The following ASAP2 variants were observed in gnomAD, a reference collection of about 807,000 sequenced individuals.
ASAP2 encodes ArfGAP with SH3 domain, ankyrin repeat and PH domain 2.
ASAP2 carries 45 observed loss-of-function variants against 131.4 expected under a neutral mutation model. The observed-to-expected ratio is 0.34, with a 90% CI of 0.27 to 0.44. The LOEUF (loss-of-function observed/expected upper bound fraction) is 0.44, where lower values mean the gene tolerates loss of function less well. Ranked by LOEUF, ASAP2 falls within the 20% of genes least tolerant of loss-of-function variation. The probability of loss-of-function intolerance (pLI) is 1.00; values close to 1 mark genes in which losing one functional copy is unlikely to be tolerated. For synonymous variants in ASAP2, 510 were observed against 503.0 expected, an observed-to-expected ratio of 1.01 and a Z score of -0.19; for missense variants, 1,011 against 1,297.0, an observed-to-expected ratio of 0.78 and a Z score of 3.39.
At chr2:9,266,138 C>T (rs1665927035) in intron 1 of ASAP2, among the ~76,000 whole-genome samples, 1 of 135,820 alleles carries the variant, frequency 7.4e-6, no homozygotes, top group Admixed American at 7.5e-5. Context: ...AAAACGATTG[C>T]CTTTTTATCT....
chr2:9,263,302 C>T (rs1428236522), intron 1 of ASAP2, among the ~76,000 whole-genome samples: 1 of 152,204 alleles, frequency 6.6e-6, no homozygotes, highest in Non-Finnish European at 1.5e-5. Context: ...TCAGGGAACC[C>T]CAGGCCAGGC....
intron 12 of ASAP2, among the ~76,000 whole-genome samples, chr2:9,351,350 C>T (rs961788034): frequency 3.3e-5 from 5 of 152,318 alleles, no homozygotes; most frequent in African/African-American, 9.6e-5. Flanking sequence ...TTTTCTTCCT[C>T]ACCACAGGAA....
In ASAP2 at chr2:9,312,389, C is replaced by T. The variant is rs375047975; in HGVS notation, c.346-6135C>T. 1.6e-3 allele frequency among the ~76,000 whole-genome samples: 237 copies of T among 152,292 alleles called. 3 individuals carry two copies. Among genetic ancestry groups the T allele is most frequent in the Middle Eastern group, 0.014 (4 of 294 alleles). On this transcript the variant is annotated intron_variant, in intron 3 of 27. Coordinates refer to ENST00000281419, the MANE Select transcript of ASAP2 (RefSeq NM_003887.3). The stretch of plus-strand genomic sequence containing the variant: ...CAGCTGCTGCCTTCTGCTGACTCCT[C>T]GACTGCCACGGCTGGCAGGGCCCAC...
chr2:9,249,363 T>C (rs1664554945), intron 1 of ASAP2, among the ~76,000 whole-genome samples: 1 of 152,192 alleles, frequency 6.6e-6, no homozygotes, highest in Non-Finnish European at 1.5e-5. Context: ...AGCAATGCCT[T>C]CCCCATATAT....
At chr2:9,395,198 C>T (rs570304738) in intron 24 of ASAP2, among the ~76,000 whole-genome samples, 50 of 152,248 alleles carry the variant, frequency 3.3e-4, no homozygotes, top group Admixed American at 7.2e-4. Context: ...TGGGGCCAGG[C>T]GCCATGGCTC....
intron 25 of ASAP2, 143 bp from the exon 26 acceptor site, chr2:9,400,599 A>C (rs778681617): frequency 2.9e-5 from 21 of 721,876 alleles, no homozygotes; most frequent in Non-Finnish European, 5.0e-5. Context: ...TCTGCATCCA[A>C]GTCAGAAGGT....
At chr2:9,300,654 G>A (rs560736117) in intron 3 of ASAP2, among the ~76,000 whole-genome samples, 4 of 152,318 alleles carry the variant, frequency 2.6e-5, no homozygotes, top group Non-Finnish European at 5.9e-5. Context: ...ATTCCTCTTG[G>A]CAGCTGTGCA....
chr2:9,291,727 G>A (rs1288809110), intron 2 of ASAP2, among the ~76,000 whole-genome samples: 1 of 152,184 alleles, frequency 6.6e-6, no homozygotes, highest in East Asian at 1.9e-4. Flanking sequence ...CAAGTGGCCT[G>A]TGGTCTGGCC....
chr2:9,323,610 T>A (rs941254515), intron 6 of ASAP2, among the ~76,000 whole-genome samples: 5 of 151,832 alleles, frequency 3.3e-5, no homozygotes, highest in Middle Eastern at 3.4e-3. Context: ...TGTGGGAGGG[T>A]GAGAAGTCAG....
chr2:9,374,933 G>A lies in ASAP2; in HGVS notation c.1735G>A (p.Ala579Thr). 1 of 1,605,490 alleles carries A rather than the reference G, an allele frequency of 6.2e-7. No individual in the cohort carries two copies. Among genetic ancestry groups the A allele is most frequent in the Non-Finnish European group, 8.5e-7 (1 of 1,177,088 alleles). ...GGATCTTACGGAAAAAATCCCACTG[G>A]CCAACGGACATGTAAGAGTGTGGGT... Reference protein sequence around the residue: ...GVDLTEKIPLANGHEPDETAL... With the variant: ...GVDLTEKIPLTNGHEPDETAL... The change falls in exon 17 of 28, where the codon GCC (alanine) becomes ACC (threonine). Residue 579 changes from alanine (A) to threonine (T), a missense_variant. This residue lies in a region of ASAP2 where 652 missense variants were observed against 698.9 expected (regional missense o/e 0.93). Coordinates refer to ENST00000281419, the MANE Select transcript of ASAP2 (RefSeq NM_003887.3).
chr2:9,399,158 G>C (rs911269831), intron 24 of ASAP2: 2 of 152,310 alleles, frequency 1.3e-5, no homozygotes, highest in Non-Finnish European at 2.9e-5. Flanking sequence ...GGCCAGACAG[G>C]GTTCATTCCG....
chr2:9,394,233 C>A lies in ASAP2; in HGVS notation c.2684+586C>A, dbSNP rs543506882. On this transcript the variant is annotated intron_variant, in intron 24 of 27. Coordinates refer to ENST00000281419, the MANE Select transcript of ASAP2 (RefSeq NM_003887.3). ...AGGCTGGAGTGCAGTGGCGTGATCT[C>A]GGCTCACTGCAAGCTCTGCCTCCAG... 1.7e-3 allele frequency among the ~76,000 whole-genome samples: 238 copies of A among 139,526 alleles called. 1 individual carries two copies. Among genetic ancestry groups the A allele is most frequent in the South Asian group, 3.3e-3 (14 of 4,262 alleles). The allele number at this position is 139,526 out of a possible 152,430, so 91.5% of individuals were successfully genotyped here.
chr2:9,390,329 G>C (rs770749931), intron 22 of ASAP2, among the ~76,000 whole-genome samples: 1 of 152,206 alleles, frequency 6.6e-6, no homozygotes, highest in Non-Finnish European at 1.5e-5. Context: ...GGAGGAGCTC[G>C]AAGGCTTCCT....
chr2:9,367,784 A>G (rs1673597056), intron 15 of ASAP2, among the ~76,000 whole-genome samples: 1 of 152,224 alleles, frequency 6.6e-6, no homozygotes, highest in South Asian at 2.1e-4. Context: ...GTGTTAATTT[A>G]ATGTTTAACA....
chr2:9,301,820 C>CTTTTTTTTTTTTTTTTTT (rs1177064910), intron 3 of ASAP2, among the ~76,000 whole-genome samples: 27 of 115,398 alleles, frequency 2.3e-4, no homozygotes, highest in African/African-American at 9.5e-4. Context: ...TATCCATCAT[C>CTTTTTTTTTTTTTTTTTT]TTTTTTTTTT....
At chr2:9,321,347 G>A (rs1246941307) in intron 5 of ASAP2, among the ~76,000 whole-genome samples, 1 of 152,054 alleles carries the variant, frequency 6.6e-6, no homozygotes, top group Non-Finnish European at 1.5e-5. Flanking sequence ...GCTTGGCCCC[G>A]AGTTCTGGAG....
intron 1 of ASAP2, among the ~76,000 whole-genome samples, chr2:9,272,274 A>G (rs888214667): frequency 1.3e-5 from 2 of 152,130 alleles, no homozygotes; most frequent in Non-Finnish European, 2.9e-5. Context: ...AGATTATATC[A>G]TTGTAGTTTT....
intron 3 of ASAP2, among the ~76,000 whole-genome samples, chr2:9,307,919 G>A (rs1359617952): frequency 6.6e-6 from 1 of 152,200 alleles, no homozygotes; most frequent in Non-Finnish European, 1.5e-5. Flanking sequence ...AGAGTGCATA[G>A]ACGGGAGTGT....
intron 15 of ASAP2, among the ~76,000 whole-genome samples, chr2:9,366,426 C>T (rs2148682527): frequency 6.6e-6 from 1 of 152,144 alleles, no homozygotes; most frequent in East Asian, 1.9e-4. Context: ...CTTGGGAAAA[C>T]CATTGTGCTC....
Sources: gnomAD v4.1 joint callset for allele counts (sites outside exome capture counted in the v4.1 genomes callset) on GRCh38, gnomAD v4.1.1 for gene constraint, gnomAD v4.1.1 regional missense constraint, MANE v1.5 for transcripts, NCBI Gene and HGNC (gene_info 2026-07-23, HGNC 2026-07-21) for gene names.